FAAH2: variants seen among roughly 807,000 people sequenced by gnomAD.
FAAH2 encodes the protein fatty-acid amide hydrolase 2.
FAAH2 carries 60 observed loss-of-function variants against 36.9 expected under a neutral mutation model. That is an observed-to-expected ratio of 1.63 (90% CI 1.32 to 2.02). The LOEUF (loss-of-function observed/expected upper bound fraction) is 2.02, where lower values mean the gene tolerates loss of function less well. Among genes scored for constraint, FAAH2 ranks in the 30% most tolerant of loss-of-function variants. The pLI is 0.00. For synonymous variants in FAAH2, 214 were observed against 143.8 expected (o/e 1.49, Z -3.49); for missense variants, 689 against 397.5 (o/e 1.73, Z -6.23).
At chrX:57,419,476 G>T (rs1399024671) in intron 7 of FAAH2, among the ~76,000 whole-genome samples, 1 of 112,327 alleles carries the variant, frequency 8.9e-6, no homozygotes, top group African/African-American at 3.2e-5. Context: ...CAGTGATGGT[G>T]AGCATTTTTT....
chrX:57,341,464 G>T, intron 5 of FAAH2, 74 bp downstream of exon 5: 1 of 1,069,048 alleles, frequency 9.4e-7, no homozygotes, highest in Non-Finnish European at 1.3e-6. Flanking sequence ...GTTCTAGCAG[G>T]ATTATCTTGC....
At chrX:57,222,095 A>G in the FAAH2 span, among the ~76,000 whole-genome samples, 1 of 111,285 alleles carries the variant, frequency 9.0e-6, no homozygotes, top group Admixed American at 9.5e-5. Context: ...CTCTTACCCC[A>G]TGAACCTGAG....
intron 8 of FAAH2, among the ~76,000 whole-genome samples, chrX:57,435,721 G>T (rs1488809997): frequency 1.8e-5 from 2 of 111,061 alleles, no homozygotes; most frequent in Non-Finnish European, 3.8e-5. Context: ...TCTAAAGAGA[G>T]AGGTGGAAAA....
intron 5 of FAAH2, among the ~76,000 whole-genome samples, chrX:57,357,897 G>A (rs2054197705): frequency 9.0e-6 from 1 of 111,515 alleles, no homozygotes; most frequent in Admixed American, 9.5e-5. Context: ...TATGTTTATT[G>A]AAGCACTGTT....
intron 4 of FAAH2, among the ~76,000 whole-genome samples, chrX:57,334,194 C>T (rs774937830): frequency 9.3e-5 from 10 of 107,088 alleles, no homozygotes; most frequent in African/African-American, 1.4e-4. Context: ...TGCTTGAACT[C>T]GAGAGGTGGA....
At chrX:57,171,064 C>A in the FAAH2 span, among the ~76,000 whole-genome samples, 1 of 111,033 alleles carries the variant, frequency 9.0e-6, no homozygotes, top group Non-Finnish European at 1.9e-5. Context: ...GCCTCCAGTT[C>A]CATCCAAGTT....
chrX:57,161,527 T>A, the FAAH2 span, among the ~76,000 whole-genome samples: 7 of 111,615 alleles, frequency 6.3e-5, no homozygotes, highest in Non-Finnish European at 1.1e-4. Context: ...GGACTTGCCT[T>A]ATGAATCTGG....
chrX:57,253,633 G>T, the FAAH2 span, among the ~76,000 whole-genome samples: 1 of 111,691 alleles, frequency 9.0e-6, no homozygotes. Context: ...TTAAAGAAAA[G>T]AATTTTCAAT....
At chrX:57,375,945 A>G (rs1356744340) in intron 5 of FAAH2, among the ~76,000 whole-genome samples, 2 of 111,538 alleles carry the variant, frequency 1.8e-5, no homozygotes, top group South Asian at 3.7e-4. Flanking sequence ...CTATTTTTCT[A>G]TATATATATT....
At position 57,382,032 on chromosome X, in the gene FAAH2, C is replaced by T. The variant is rs184410270; in HGVS notation, c.996+1003C>T. Among the ~76,000 whole-genome samples the T allele has an allele frequency of 7.2e-5, 8 of 111,457 alleles. No individual in the cohort carries two copies. The East Asian group carries it at 1.1e-3, about 16-fold the overall frequency. On this transcript the variant is annotated intron_variant, in intron 7 of 10. Coordinates refer to ENST00000374900, the MANE Select transcript of FAAH2 (RefSeq NM_174912.4). ...CAGGATTAAGAAACTCGCTCAAAAC[C>T]GCTTAACTACATGGAAACTGAACAA...
At chrX:57,372,200 T>C (rs1453146456) in intron 5 of FAAH2, among the ~76,000 whole-genome samples, 1 of 111,699 alleles carries the variant, frequency 9.0e-6, no homozygotes, top group African/African-American at 3.2e-5. Context: ...AGTTCTATTT[T>C]TTAGTTATTT....
chrX:57,324,472 G>T (rs1019690372), intron 3 of FAAH2, among the ~76,000 whole-genome samples: 5 of 111,910 alleles, frequency 4.5e-5, no homozygotes, highest in African/African-American at 1.6e-4. Flanking sequence ...CTACCCATGA[G>T]CATGGAATTT....
the FAAH2 span, among the ~76,000 whole-genome samples, chrX:57,193,499 C>A: frequency 4.9e-4 from 55 of 111,439 alleles, 1 homozygote; most frequent in African/African-American, 1.8e-3. Context: ...TCTCTGTGAC[C>A]CACACCCTAT....
intron 7 of FAAH2, among the ~76,000 whole-genome samples, chrX:57,401,673 T>C (rs2055439444): frequency 9.0e-6 from 1 of 111,189 alleles, no homozygotes; most frequent in African/African-American, 3.3e-5. Flanking sequence ...TCTAAGGGGG[T>C]ACTGCCTTTG....
At position 57,437,666 on chromosome X, in the gene FAAH2, T is replaced by C. The variant is rs755728792; in HGVS notation, c.1116+5629T>C. ...AAATAAAGTAGAACTCCTTGTTAATTAATAAGATGAAATATATATAATGTA... is the reference window on the plus strand; with the variant it reads ...AAATAAAGTAGAACTCCTTGTTAATCAATAAGATGAAATATATATAATGTA... On this transcript the variant is annotated intron_variant, in intron 8 of 10. Transcript: ENST00000374900. Among the ~76,000 whole-genome samples the C allele has an allele frequency of 3.6e-3, 377 of 104,363 alleles. 2 individuals are homozygous for C. The highest frequency in any genetic ancestry group is 0.013 in the African/African-American group (366 of 29,240). The allele number at this position is 104,363 out of a possible 115,157, so 90.6% of individuals were successfully genotyped here. A position where few individuals can be genotyped will look rare whatever the true frequency, so the allele number is the denominator to read the frequency against.
intron 10 of FAAH2, among the ~76,000 whole-genome samples, chrX:57,466,128 A>ATC (rs66516710): frequency 0.015 from 1,067 of 70,780 alleles, 39 homozygotes; most frequent in African/African-American, 0.053. Context: ...TTGTTGGATT[A>ATC]TCTCTCTCTC....
the FAAH2 span, among the ~76,000 whole-genome samples, chrX:57,207,126 C>T: frequency 9.0e-6 from 1 of 110,557 alleles, no homozygotes; most frequent in Non-Finnish European, 1.9e-5. Context: ...TTTTTCTAGT[C>T]CCATGCCAGG....
At chrX:57,417,870 G>A (rs1260697615) in intron 7 of FAAH2, among the ~76,000 whole-genome samples, 1 of 111,886 alleles carries the variant, frequency 8.9e-6, no homozygotes, top group East Asian at 2.8e-4. Flanking sequence ...AGGGAGATGG[G>A]AGTTTAATCT....
At chrX:57,185,381 T>C in the FAAH2 span, among the ~76,000 whole-genome samples, 1 of 111,045 alleles carries the variant, frequency 9.0e-6, no homozygotes, top group Admixed American at 9.7e-5. Context: ...TAAAATGACT[T>C]CCACTTCCAT....
Sources: allele counts gnomAD v4.1 joint callset (sites outside exome capture counted in the v4.1 genomes callset), GRCh38; gene constraint gnomAD v4.1.1; transcripts MANE v1.5; gene names NCBI Gene and HGNC (gene_info 2026-07-23, HGNC 2026-07-21).